The following USP43 variants were observed in gnomAD, a reference collection of about 807,000 sequenced individuals.
USP43 encodes the protein ubiquitin specific peptidase 43.
Under a neutral mutation model 90.7 loss-of-function variants are expected in USP43, and 33 were observed. The ratio of observed to expected loss-of-function variants is 0.36; its 90% CI spans 0.28 to 0.49. The LOEUF is 0.49. Among genes scored for constraint, USP43 ranks in the 20% least tolerant of loss-of-function variants. USP43 has a pLI of 0.98. For missense variants in USP43, 1,274 were observed against 1,476.4 expected (o/e 0.86, Z 2.25); for synonymous variants, 598 against 615.8 (o/e 0.97, Z 0.43).
At chr17:9,716,127 T>C (rs1197530194) in intron 14 of USP43, among the ~76,000 whole-genome samples, 3 of 142,298 alleles carry the variant, frequency 2.1e-5, no homozygotes, top group South Asian at 2.1e-4. Flanking sequence ...TGTGAGTGTG[T>C]GATCTTTAGC....
chr17:9,707,596 G>A (rs1156845401), intron 12 of USP43, among the ~76,000 whole-genome samples: 3 of 145,820 alleles, frequency 2.1e-5, no homozygotes, highest in Middle Eastern at 4.0e-3. Flanking sequence ...GCAGTGAGCC[G>A]AGATCATGCC....
At position 9,693,373 on chromosome 17, in the gene USP43, G is replaced by A. The variant is rs906100767; in HGVS notation, c.1457+143G>A. On this transcript the variant is annotated intron_variant, in intron 9 of 14. Coordinates refer to ENST00000285199, the MANE Select transcript of USP43 (RefSeq NM_153210.5). The stretch of plus-strand genomic sequence containing the variant: ...CTCTCCAGTACCAGCCGCTATGTTA[G>A]GTCATTGGGCATGTTCTGTGCTTTG... 8.6e-6 allele frequency: 6 copies of A among 696,210 alleles called. No individual in the cohort carries two copies. In the Admixed American group the frequency reaches 1.5e-4, roughly 18 times the overall value. The allele number at this position is 696,210 out of a possible 1,614,324, so 43.1% of individuals were successfully genotyped here.
intron 8 of USP43, among the ~76,000 whole-genome samples, chr17:9,688,639 A>G (rs1597854030): frequency 6.6e-6 from 1 of 151,902 alleles, no homozygotes; most frequent in East Asian, 1.9e-4. Flanking sequence ...GTGAGCCACC[A>G]CACCCAGCCA....
At chr17:9,702,599 G>A (rs372300907) in intron 12 of USP43, among the ~76,000 whole-genome samples, 18 of 151,406 alleles carry the variant, frequency 1.2e-4, no homozygotes, top group East Asian at 3.9e-4. Flanking sequence ...TTTCTCAATC[G>A]TTCATAATCA....
chr17:9,701,593 C>A lies in USP43; in HGVS notation c.1904C>A (p.Ser635Tyr). Residue 635 changes from serine (S) to tyrosine (Y), a missense_variant, in exon 12 of 15, where the codon TCC becomes TAC. Transcript: ENST00000285199. The surrounding 1 kb of genome is among the most constrained non-coding windows in gnomAD (Gnocchi z 7.2). ...GAGGCAGGACTGGGCCCCTGGCCTT[C>A]CTGGAAGCAGCCGGACTGCCTGCCC... Reference protein sequence around the residue: ...SPEAGLGPWPSWKQPDCLPTS... With the variant: ...SPEAGLGPWPYWKQPDCLPTS... 1 of 1,577,446 alleles carries A rather than the reference C, an allele frequency of 6.3e-7. No individual in the cohort carries two copies. Among genetic ancestry groups the A allele is most frequent in the Non-Finnish European group, 8.6e-7 (1 of 1,162,430 alleles).
intron 2 of USP43, among the ~76,000 whole-genome samples, chr17:9,663,931 G>A (rs908275385): frequency 1.3e-5 from 2 of 152,148 alleles, no homozygotes; most frequent in Non-Finnish European, 2.9e-5. Flanking sequence ...AGCCTGGTTT[G>A]GACATTCTTG....
intron 6 of USP43, among the ~76,000 whole-genome samples, chr17:9,681,045 A>G (rs1318019807): frequency 7.7e-6 from 1 of 130,416 alleles, no homozygotes; most frequent in Non-Finnish European, 1.6e-5. Context: ...TACATATAAT[A>G]TATAATATAT....
chr17:9,684,432 A>G (rs1914474340), intron 7 of USP43, among the ~76,000 whole-genome samples: 1 of 152,162 alleles, frequency 6.6e-6, no homozygotes, highest in Admixed American at 6.5e-5. Flanking sequence ...CACAGAGATG[A>G]ACATTAGTTC....
At chr17:9,713,779 G>A (rs1277051287) in intron 14 of USP43, among the ~76,000 whole-genome samples, 1 of 152,182 alleles carries the variant, frequency 6.6e-6, no homozygotes, top group Non-Finnish European at 1.5e-5. Context: ...CTTGCTTAAG[G>A]TCTAAATAAC....
At chr17:9,718,470 G>T (rs934948640) in intron 14 of USP43, among the ~76,000 whole-genome samples, 1 of 152,122 alleles carries the variant, frequency 6.6e-6, no homozygotes, top group Non-Finnish European at 1.5e-5. Context: ...CCAGCGTGTG[G>T]CATTTGGGCT....
intron 3 of USP43, among the ~76,000 whole-genome samples, chr17:9,668,791 G>T (rs967916264): frequency 4.6e-5 from 7 of 152,166 alleles, no homozygotes; most frequent in African/African-American, 1.7e-4. Flanking sequence ...GTGGTCACCA[G>T]CCTTGAAAGC....
chr17:9,718,575 TCA>T (rs1052771553), intron 14 of USP43, among the ~76,000 whole-genome samples: 1 of 151,078 alleles, frequency 6.6e-6, no homozygotes, highest in Admixed American at 6.6e-5. Flanking sequence ...GAGCAGTGGC[TCA>T]CACCTGTAAT....
chr17:9,674,114 A>G lies in USP43; in HGVS notation c.741-777A>G, dbSNP rs1246598769. ...AAGCCTTCCTGTGGTTCTGGGGCAC[A>G]GTGAGGCTGAGAAGCAGGGGAAGAG... On this transcript the variant is annotated intron_variant, in intron 3 of 14. Coordinates refer to ENST00000285199, the MANE Select transcript of USP43 (RefSeq NM_153210.5). This position sits in a 1 kb window ranked among gnomAD's most constrained non-coding sequence, Gnocchi z 4.4. Among the ~76,000 whole-genome samples the G allele has an allele frequency of 2.0e-5, 3 of 152,150 alleles. No individual in the cohort carries two copies. The highest frequency in any genetic ancestry group is 2.9e-5 in the Non-Finnish European group (2 of 68,026).
At chr17:9,690,840 G>A (rs4791355) in intron 8 of USP43, among the ~76,000 whole-genome samples, 6,562 of 152,064 alleles carry the variant, frequency 0.043, 451 homozygotes, top group African/African-American at 0.15. Context: ...AGCCGAGATC[G>A]CACCACTGCA....
chr17:9,659,315 G>T (rs1207014455), intron 2 of USP43, among the ~76,000 whole-genome samples: 1 of 152,122 alleles, frequency 6.6e-6, no homozygotes, highest in Admixed American at 6.5e-5. Context: ...TGAAGTGATT[G>T]ACTAAATTAG....
intron 14 of USP43, among the ~76,000 whole-genome samples, chr17:9,717,832 CT>C (rs1004397279): frequency 2.8e-5 from 4 of 145,062 alleles, no homozygotes; most frequent in African/African-American, 1.0e-4. Context: ...GAGTCTTGTT[CT>C]GTTGCCAGGC....
chr17:9,669,154 C>A (rs1913234206), intron 3 of USP43, among the ~76,000 whole-genome samples: 1 of 152,110 alleles, frequency 6.6e-6, no homozygotes, highest in Admixed American at 6.5e-5. Context: ...GGGCATCTGT[C>A]TCCTCTTCAG....
chr17:9,703,103 C>T (rs1210182279), intron 12 of USP43, among the ~76,000 whole-genome samples: 2 of 152,166 alleles, frequency 1.3e-5, no homozygotes, highest in Non-Finnish European at 2.9e-5. Context: ...TGTCTCACTT[C>T]TCTGGGCCGA....
In USP43 at chr17:9,701,526, C is replaced by T. The variant is rs777532397; in HGVS notation, c.1837C>T (p.Leu613Phe). The T allele has an allele frequency of 6.4e-7, 1 of 1,565,738 alleles. No individual in the cohort carries two copies. The highest frequency in any genetic ancestry group is 8.7e-7 in the Non-Finnish European group (1 of 1,155,446). Residue 613 changes from leucine to phenylalanine, a missense_variant, in exon 12 of 15, where the codon CTC becomes TTC. Coordinates refer to ENST00000285199, the MANE Select transcript of USP43 (RefSeq NM_153210.5). This position sits in a 1 kb window ranked among gnomAD's most constrained non-coding sequence, Gnocchi z 7.2. ...STLVKFPLSG[L>F]NMAPHVAQRS... ...GCTGGTGAAGTTTCCGCTCTCTGGA[C>T]TCAACATGGCTCCCCATGTGGCCCA...
Sources: gnomAD v4.1 joint callset for allele counts (sites outside exome capture counted in the v4.1 genomes callset) on GRCh38, gnomAD v4.1.1 for gene constraint, Gnocchi (gnomAD v3.1) non-coding constraint, MANE v1.5 for transcripts, NCBI Gene and HGNC (gene_info 2026-07-23, HGNC 2026-07-21) for gene names.